GBF1: variants seen among roughly 807,000 people sequenced by gnomAD.
The protein encoded by GBF1 is Golgi-specific brefeldin A-resistance guanine nucleotide exchange factor 1.
A neutral mutation model predicts 210.5 loss-of-function variants in GBF1; 114 were observed. That is an observed-to-expected ratio of 0.54 (90% confidence interval 0.47 to 0.63). The LOEUF (loss-of-function observed/expected upper bound fraction) is 0.63, where lower values mean the gene tolerates loss of function less well. Among genes scored for constraint, GBF1 ranks in the 30% least tolerant of loss-of-function variants. The probability of loss-of-function intolerance (pLI) is 0.00; values close to 1 mark genes in which losing one functional copy is unlikely to be tolerated. For missense variants in GBF1, 1,851 were observed against 2,357.7 expected, an observed-to-expected ratio of 0.79 and a Z score of 4.45; for synonymous variants, 850 against 889.2, an observed-to-expected ratio of 0.96 and a Z score of 0.78.
intron 1 of GBF1, among the ~76,000 whole-genome samples, chr10:102,248,648 T>C (rs2071132363): frequency 6.6e-6 from 1 of 152,132 alleles, no homozygotes; most frequent in South Asian, 2.1e-4. Context: ...TTAATTTCTT[T>C]TTATTGAGAC....
At chr10:102,317,719 C>G (rs1283308304) in intron 3 of GBF1, among the ~76,000 whole-genome samples, 1 of 152,138 alleles carries the variant, frequency 6.6e-6, no homozygotes, top group African/African-American at 2.4e-5. Context: ...CACGCAAACA[C>G]AATATCACCC....
chr10:102,363,437 A>T lies in GBF1; in HGVS notation c.2017+41A>T. On this transcript the variant is annotated intron_variant, in intron 16 of 39. Coordinates refer to ENST00000369983, the MANE Select transcript of GBF1 (RefSeq NM_001377137.1). The surrounding 1 kb of genome is among the most constrained non-coding windows in gnomAD (Gnocchi z 4.2). ...CCATGACCCTAAGCTCCTCACCTGG[A>T]GGGCCTGGTGAAGAGCAGAGGGAGG... The T allele has an allele frequency of 6.3e-7, 1 of 1,575,852 alleles. No individual in the cohort carries two copies. The highest frequency in any genetic ancestry group is 1.7e-5 in the Admixed American group (1 of 57,592).
Position 102,369,200 on chromosome 10 carries a change from C to T in GBF1, c.2974-11C>T, listed in dbSNP as rs756225477. 2 of 1,600,444 alleles carry T rather than the reference C, an allele frequency of 1.2e-6. No individual in the cohort carries two copies. The highest frequency in any genetic ancestry group is 1.3e-5 in the African/African-American group (1 of 74,662). ...GCTCGGCCTTAAGTCTGTTCTCTTC[C>T]TCTTTTCCAGTCTATTGAGAACCTG... On this transcript the variant is annotated splice_polypyrimidine_tract_variant and intron_variant, in intron 23 of 39. Coordinates refer to ENST00000369983, the MANE Select transcript of GBF1 (RefSeq NM_001377137.1).
rs372606866 is a variant in GBF1 at position 102,377,141 on chromosome 10, G to A, written c.4494+1G>A. ...GGTGTCTTTACAGGTCAGTCAGGAC[G>A]TAAGTATGGCACCCTTTACTTCCTC... On this transcript the variant is annotated splice_donor_variant, in intron 33 of 39. Transcript: ENST00000369983. LOFTEE classifies it high-confidence loss of function. 26 of 1,610,606 alleles carry A rather than the reference G, an allele frequency of 1.6e-5. No homozygotes were observed. Among genetic ancestry groups the A allele is most frequent in the East Asian group, 4.5e-5 (2 of 44,846 alleles).
chr10:102,231,109 C>G, the GBF1 span: 2 of 1,534,848 alleles, frequency 1.3e-6, no homozygotes, highest in Non-Finnish European at 1.7e-6. Context: ...CACCTGCGGG[C>G]ACGGGAGAAA....
intron 3 of GBF1, among the ~76,000 whole-genome samples, chr10:102,302,973 G>A (rs1323153621): frequency 6.7e-6 from 1 of 148,844 alleles, no homozygotes; most frequent in Non-Finnish European, 1.5e-5. Flanking sequence ...TTAGATCTTT[G>A]ATCCATTTTA....
intron 10 of GBF1, 135 bp downstream of exon 10, chr10:102,358,864 T>G (rs2059436868): frequency 1.6e-6 from 1 of 637,562 alleles, no homozygotes; most frequent in South Asian, 1.9e-5. Flanking sequence ...TCTTTCCTGC[T>G]TCTCAGAATT....
chr10:102,371,830 G>A (rs1286506633), intron 29 of GBF1, among the ~76,000 whole-genome samples: 1 of 152,022 alleles, frequency 6.6e-6, no homozygotes, highest in Non-Finnish European at 1.5e-5. Context: ...TTGGGAGGCT[G>A]AGGCAGGAGA....
rs1365960934 is a variant in GBF1, at chr10:102,245,717, G to A, written c.-75G>A. 2 of 152,228 alleles carry A rather than the reference G, an allele frequency of 1.3e-5. No individual in the cohort carries two copies. The highest frequency in any genetic ancestry group is 2.9e-5 in the Non-Finnish European group (2 of 68,060). 9.4% of individuals were successfully genotyped at this position (152,228 alleles called of 1,614,324 possible). On this transcript the variant is annotated 5_prime_UTR_variant, in exon 1 of 40. Transcript: ENST00000369983. ...TGCTCGGAGACGCCTCCGGGGTGCG[G>A]GCTGGACATGAGCAGCGGCTGCCGG...
At chr10:102,372,196 G>A (rs1391614049) in intron 29 of GBF1, among the ~76,000 whole-genome samples, 2 of 146,090 alleles carry the variant, frequency 1.4e-5, no homozygotes, top group East Asian at 4.1e-4. Flanking sequence ...GGGCAACACA[G>A]CGAGACTCCA....
intron 3 of GBF1, among the ~76,000 whole-genome samples, chr10:102,328,280 C>T (rs1384778825): frequency 6.6e-6 from 1 of 152,120 alleles, no homozygotes; most frequent in Non-Finnish European, 1.5e-5. Context: ...ATCACTTGAA[C>T]CCAGGAGTTC....
At chr10:102,361,199 C>A in intron 13 of GBF1, 79 bp downstream of exon 13, 1 of 811,076 alleles carries the variant, frequency 1.2e-6, no homozygotes, top group Admixed American at 1.7e-5. Context: ...CCAGCTCTAT[C>A]ATGCTACAGG....
At position 102,317,904 on chromosome 10, in the gene GBF1, T is replaced by A. The variant is rs566942923; in HGVS notation, c.164-26147T>A. On this transcript the variant is annotated intron_variant, in intron 3 of 39. Coordinates refer to ENST00000369983, the MANE Select transcript of GBF1 (RefSeq NM_001377137.1). ...TTGTTGGTTATTTATTTATTTATTT[T>A]TATTTATTTATTTATTTATTTTGAG... Among the ~76,000 whole-genome samples the A allele has an allele frequency of 5.2e-3, 781 of 151,576 alleles. 8 individuals are homozygous for A. The highest frequency in any genetic ancestry group is 0.016 in the African/African-American group (675 of 41,368).
intron 33 of GBF1, 150 bp downstream of exon 33, chr10:102,377,290 A>C: frequency 1.8e-6 from 1 of 549,524 alleles, no homozygotes. Flanking sequence ...CTTACCCAAA[A>C]CCTTACCTGT....
intron 3 of GBF1, among the ~76,000 whole-genome samples, chr10:102,278,676 T>C (rs1353586650): frequency 6.6e-6 from 1 of 152,204 alleles, no homozygotes; most frequent in Non-Finnish European, 1.5e-5. Context: ...ATACAGCAAA[T>C]TATTGTTAAC....
Position 102,379,851 on chromosome 10 carries a change from A to G in GBF1, c.4777-2A>G, listed in dbSNP as rs2060731059. On this transcript the variant is annotated splice_acceptor_variant, in intron 35 of 39. Transcript: ENST00000369983. LOFTEE classifies it high-confidence loss of function. ...GAGACATTGCACATTTACCCCCACC[A>G]GGTGCTGTTTCCTCTACTTACCAAG... 6.2e-7 allele frequency: 1 copy of G among 1,608,016 alleles called. No homozygotes were observed. Among genetic ancestry groups the G allele is most frequent in the Non-Finnish European group, 8.5e-7 (1 of 1,174,652 alleles).
At chr10:102,381,933 G>A (rs1265871411) in intron 39 of GBF1, 123 bp from the exon 40 acceptor site, 2 of 701,190 alleles carry the variant, frequency 2.9e-6, no homozygotes, top group Non-Finnish European at 4.5e-6. Flanking sequence ...AGGCTGGTGG[G>A]GGGCCGTGTT....
rs540445668 is a variant in GBF1 at position 102,352,074 on chromosome 10, T to C, written c.523+123T>C. Reference sequence around the variant, plus strand: ...CTTCTCCATCATCTATCTCATGCGATCATAGGGGTCTAGAAGAAATGTCTG... The same window carrying C: ...CTTCTCCATCATCTATCTCATGCGACCATAGGGGTCTAGAAGAAATGTCTG... On this transcript the variant is annotated intron_variant, in intron 6 of 39. Transcript: ENST00000369983. 8.5e-5 allele frequency: 58 copies of C among 684,296 alleles called. 1 individual carries two copies. In the South Asian group the frequency reaches 9.2e-4, roughly 11 times the overall value. 42.4% of individuals were successfully genotyped at this position (684,296 alleles called of 1,614,324 possible). A position where few individuals can be genotyped will look rare whatever the true frequency, so the allele number is the denominator to read the frequency against.
intron 3 of GBF1, among the ~76,000 whole-genome samples, chr10:102,263,650 C>T (rs1330139541): frequency 2.0e-5 from 3 of 152,090 alleles, no homozygotes; most frequent in Non-Finnish European, 4.4e-5. Context: ...GAAATAAGTC[C>T]TTTTCTCCAG....
Sources: gnomAD v4.1 joint callset for allele counts (sites outside exome capture counted in the v4.1 genomes callset) on GRCh38, gnomAD v4.1.1 for gene constraint, Gnocchi (gnomAD v3.1) non-coding constraint, MANE v1.5 for transcripts, NCBI Gene and HGNC (gene_info 2026-07-23, HGNC 2026-07-21) for gene names.